CBFB: variants seen among roughly 807,000 people sequenced by gnomAD.
CBFB encodes the protein core-binding factor subunit beta, also known as CBF-beta.
In CBFB, 9 loss-of-function variants were observed where a neutral mutation model predicts 30.4. The observed-to-expected ratio is 0.30, with a 90% CI of 0.18 to 0.52. The LOEUF is 0.52. Ranked by LOEUF, CBFB falls within the 20% of genes least tolerant of loss-of-function variation. The pLI is 0.97. For synonymous variants in CBFB, 94 were observed against 84.0 expected (o/e 1.12, Z -0.65); for missense variants, 170 against 244.0 (o/e 0.70, Z 2.02).
chr16:67,095,338 G>A (rs1244306513), intron 5 of CBFB, among the ~76,000 whole-genome samples: 1 of 151,482 alleles, frequency 6.6e-6, no homozygotes, highest in Non-Finnish European at 1.5e-5. Flanking sequence ...CTAACATGGT[G>A]AAACCCCGTC....
intron 5 of CBFB, among the ~76,000 whole-genome samples, chr16:67,088,715 T>C (rs769018240): frequency 1.3e-5 from 2 of 152,162 alleles, no homozygotes; most frequent in Non-Finnish European, 1.5e-5. Context: ...TGGTAACTCA[T>C]GGGTGGCAGC....
intron 3 of CBFB, among the ~76,000 whole-genome samples, chr16:67,056,690 T>A (rs1253576168): frequency 6.6e-6 from 1 of 151,794 alleles, no homozygotes; most frequent in African/African-American, 2.4e-5. Context: ...CAGGCTTTTT[T>A]TTTTTTTTTT....
chr16:67,060,029 C>T (rs1186390306), intron 3 of CBFB, among the ~76,000 whole-genome samples: 1 of 150,852 alleles, frequency 6.6e-6, no homozygotes, highest in Non-Finnish European at 1.5e-5. Flanking sequence ...ATCTGGAGTG[C>T]AGTGGCACGA....
At chr16:67,082,463 G>A in intron 5 of CBFB, 155 bp downstream of exon 5, 1 of 765,898 alleles carries the variant, frequency 1.3e-6, no homozygotes, top group East Asian at 2.8e-5. Flanking sequence ...TTTATTAAAT[G>A]TAATTGCTAT....
intron 5 of CBFB, among the ~76,000 whole-genome samples, chr16:67,094,456 G>A (rs1224862728): frequency 1.3e-5 from 2 of 152,124 alleles, no homozygotes; most frequent in Admixed American, 1.3e-4. Flanking sequence ...GCTGTGACCA[G>A]TAGGGAAAAC....
intron 2 of CBFB, among the ~76,000 whole-genome samples, chr16:67,030,406 A>C (rs1230763303): frequency 6.6e-6 from 1 of 152,114 alleles, no homozygotes; most frequent in Non-Finnish European, 1.5e-5. Flanking sequence ...GCTGTTCCTA[A>C]AAACTGCACA....
At chr16:67,037,858 A>G (rs1245410791) in intron 3 of CBFB, among the ~76,000 whole-genome samples, 1 of 151,762 alleles carries the variant, frequency 6.6e-6, no homozygotes, top group African/African-American at 2.4e-5. Flanking sequence ...TTTAGTAGAG[A>G]CAGGGTTTCC....
At chr16:67,081,737 G>A (rs1961561480) in intron 4 of CBFB, among the ~76,000 whole-genome samples, 1 of 151,974 alleles carries the variant, frequency 6.6e-6, no homozygotes, top group Non-Finnish European at 1.5e-5. Flanking sequence ...ATGGGGTTAA[G>A]CCTATGATTT....
chr16:67,093,835 G>A (rs532949808), intron 5 of CBFB, among the ~76,000 whole-genome samples: 2 of 152,240 alleles, frequency 1.3e-5, no homozygotes, highest in Admixed American at 1.3e-4. Context: ...GGAGTTCAGA[G>A]TTTCTTTGCC....
chr16:67,098,819 A>G lies in CBFB; in HGVS notation c.*41A>G. On this transcript the variant is annotated 3_prime_UTR_variant, in exon 6 of 6. Transcript: ENST00000412916. ...ATGTGTGCTGCCCATCTTTACATAC[A>G]CATTGCTTCTAGTTGGCAGAAATAA... 1 of 1,111,556 alleles carries G rather than the reference A, an allele frequency of 9.0e-7. No individual in the cohort carries two copies. Among genetic ancestry groups the G allele is most frequent in the South Asian group, 1.3e-5 (1 of 78,914 alleles). The allele number at this position is 1,111,556 out of a possible 1,614,324, so 68.9% of individuals were successfully genotyped here.
chr16:67,094,740 T>A (rs1022128207), intron 5 of CBFB, among the ~76,000 whole-genome samples: 1 of 152,220 alleles, frequency 6.6e-6, no homozygotes, highest in Non-Finnish European at 1.5e-5. Flanking sequence ...GTCCTTACAC[T>A]GCATTTAGCA....
At chr16:67,050,044 A>G (rs1055596175) in intron 3 of CBFB, among the ~76,000 whole-genome samples, 1 of 151,726 alleles carries the variant, frequency 6.6e-6, no homozygotes, top group Non-Finnish European at 1.5e-5. Flanking sequence ...ATACTACACT[A>G]CTGCTAATAA....
intron 5 of CBFB, among the ~76,000 whole-genome samples, chr16:67,098,200 A>G (rs567820349): frequency 6.6e-6 from 1 of 152,158 alleles, no homozygotes; most frequent in Admixed American, 6.5e-5. Context: ...CAGTGGTGCG[A>G]TCTCAGCTCA....
intron 3 of CBFB, among the ~76,000 whole-genome samples, chr16:67,040,456 T>G (rs1966511299): frequency 6.6e-6 from 1 of 152,344 alleles, no homozygotes; most frequent in African/African-American, 2.4e-5. Context: ...GGCATGTTGT[T>G]TAATCATTGT....
chr16:67,097,905 G>C (rs1328730672), intron 5 of CBFB, among the ~76,000 whole-genome samples: 2 of 152,136 alleles, frequency 1.3e-5, no homozygotes, highest in East Asian at 3.9e-4. Flanking sequence ...AGCCGCTGCA[G>C]TCCAGCCCGG....
intron 3 of CBFB, among the ~76,000 whole-genome samples, chr16:67,050,340 ATATATAACGTTCTAAGACTTT>A: frequency 6.7e-6 from 1 of 150,026 alleles, no homozygotes; most frequent in South Asian, 2.1e-4. Context: ...ATATATATGT[ATATATAACGTTCTAAGACTTT>A]CAGGGATTCC....
At chr16:67,072,531 A>G (rs116109483) in intron 4 of CBFB, among the ~76,000 whole-genome samples, 3,063 of 151,950 alleles carry the variant, frequency 0.02, 99 homozygotes, top group African/African-American at 0.07. Context: ...CAATGGCACA[A>G]TCTGGGCTCA....
chr16:67,033,973 C>T (rs1373762616), intron 2 of CBFB, among the ~76,000 whole-genome samples: 2 of 152,098 alleles, frequency 1.3e-5, no homozygotes, highest in South Asian at 2.1e-4. Flanking sequence ...GGATTACAGG[C>T]GCACACCACC....
Position 67,093,757 on chromosome 16 carries a change from T to A in CBFB, c.496-4953T>A, listed in dbSNP as rs1192366400. The A allele has an allele frequency of 5.3e-5, 8 of 152,206 alleles. No individual in the cohort carries two copies. In the East Asian group the frequency reaches 1.5e-3, roughly 29 times the overall value. The allele number at this position is 152,206 out of a possible 1,614,324, so 9.4% of individuals were successfully genotyped here. A position where few individuals can be genotyped will look rare whatever the true frequency, so the allele number is the denominator to read the frequency against. ...TCTGAAATAACTGTTACTAAAAGGT[T>A]AGAATCAAGGCCCTATGGCTGAGGA... is the stretch of plus-strand genomic sequence containing the variant. On this transcript the variant is annotated intron_variant, in intron 5 of 5. Coordinates refer to ENST00000412916, the MANE Select transcript of CBFB (RefSeq NM_022845.3).
Sources: gnomAD v4.1 joint callset for allele counts (sites outside exome capture counted in the v4.1 genomes callset) on GRCh38, gnomAD v4.1.1 for gene constraint, MANE v1.5 for transcripts, NCBI Gene and HGNC (gene_info 2026-07-23, HGNC 2026-07-21) for gene names.